The following MUC5B variants were observed in gnomAD, a reference collection of about 807,000 sequenced individuals.
The protein encoded by MUC5B is mucin 5B, oligomeric mucus/gel-forming.
Under a neutral mutation model 376.9 loss-of-function variants are expected in MUC5B, and 116 were observed. The observed-to-expected ratio is 0.31, with a 90% CI of 0.26 to 0.36. The LOEUF (loss-of-function observed/expected upper bound fraction) is 0.36, where lower values mean the gene tolerates loss of function less well. Among genes scored for constraint, MUC5B ranks in the 10% least tolerant of loss-of-function variants. The pLI, the probability that MUC5B is intolerant of heterozygous loss-of-function variation, is 1.00. For synonymous variants in MUC5B, 3,517 were observed against 3,390.9 expected, an observed-to-expected ratio of 1.04 and a Z score of -1.29; for missense variants, 7,165 against 7,769.9, an observed-to-expected ratio of 0.92 and a Z score of 2.93.
rs561369875 is a variant in MUC5B at position 1,227,054 on chromosome 11, C to A, written c.485C>A (p.Thr162Asn). Residue 162 changes from threonine (T) to asparagine (N), a missense_variant, in exon 5 of 49, where the codon ACT becomes AAT. Thr to Asn is a moderately conservative substitution (Grantham distance 65). Around this residue, in one of 31 missense-constraint regions of MUC5B, gnomAD observed 640 missense variants for 733.0 expected, o/e 0.87. Transcript: ENST00000529681. ...GQREELPYSR[T>N]GLLVEQSGDY... ...AGGGAGGAGCTGCCTTACAGCCGCA[C>A]TGGCCTCCTGGTGGAGCAGAGCGGG... The A allele has an allele frequency of 4.7e-5, 75 of 1,611,732 alleles. No homozygotes were observed. The Admixed American group carries it at 1.3e-3, about 27-fold the overall frequency.
At position 1,259,943 on chromosome 11, in the gene MUC5B, C is replaced by T. The variant is rs1275669722; in HGVS notation, c.16801-20C>T. On this transcript the variant is annotated intron_variant, in intron 45 of 48. Coordinates refer to ENST00000529681, the MANE Select transcript of MUC5B (RefSeq NM_002458.3). ...AGAGGTAATCCCTACTCAGCTTCCA[C>T]ACTCACCCTTGCATTTCAGCTGAAT... The T allele has an allele frequency of 6.2e-7, 1 of 1,612,822 alleles. No individual in the cohort carries two copies. The highest frequency in any genetic ancestry group is 1.1e-5 in the South Asian group (1 of 91,082).
At position 1,227,121 on chromosome 11, in the gene MUC5B, G is replaced by A. The variant is rs777028286; in HGVS notation, c.552G>A (p.Leu184=). 1.2e-6 allele frequency: 2 copies of A among 1,612,386 alleles called. No individual in the cohort carries two copies. Among genetic ancestry groups the A allele is most frequent in the Non-Finnish European group, 1.7e-6 (2 of 1,179,634 alleles). Residue 184 remains leucine (L), a synonymous_variant, in exon 5 of 49, where the codon CTG becomes CTA. Transcript: ENST00000529681. ...KVSIRLVLTF[L]WNGEDSALLE... ...GCATCCGGCTGGTGCTGACATTCCT[G>A]TGGAACGGAGAGGACAGTGCCCTGG...
In MUC5B at chr11:1,253,464, T is replaced by G. The variant is rs1318629335; in HGVS notation, c.15217+484T>G. Reference sequence around the variant, plus strand: ...GTCCTAACAGCGGCTTCCATCACCGTGCGGGACCCACCGCTAAGAGGTCAC... The same window carrying G: ...GTCCTAACAGCGGCTTCCATCACCGGGCGGGACCCACCGCTAAGAGGTCAC... On this transcript the variant is annotated intron_variant, in intron 33 of 48. Transcript: ENST00000529681. The surrounding 1 kb of genome is among the most constrained non-coding windows in gnomAD (Gnocchi z 4.3). Among the ~76,000 whole-genome samples the G allele has an allele frequency of 6.6e-6, 1 of 152,064 alleles. No homozygotes were observed. The highest frequency in any genetic ancestry group is 2.4e-5 in the African/African-American group (1 of 41,388).
At position 1,260,721 on chromosome 11, in the gene MUC5B, G is replaced by T. The variant is rs1296100806; in HGVS notation, c.17062G>T (p.Ala5688Ser). The change falls in exon 48 of 49, where the codon GCG becomes TCG. Residue 5688 changes from alanine (A) to serine (S), a missense_variant. Coordinates refer to ENST00000529681, the MANE Select transcript of MUC5B (RefSeq NM_002458.3). ...CTTCTGCGAGGGCTCCTGCCCCGGA[G>T]CGTCCAAGTGAGTGGGCTCCTGGCC... Reference protein sequence around the residue: ...ITFCEGSCPGASKYSAEAQAM... With the variant: ...ITFCEGSCPGSSKYSAEAQAM... 1.2e-6 allele frequency: 2 copies of T among 1,609,120 alleles called. No homozygotes were observed. Among genetic ancestry groups the T allele is most frequent in the South Asian group, 1.1e-5 (1 of 90,374 alleles).
In MUC5B at chr11:1,246,343, T is replaced by C. The variant is rs1311377278; in HGVS notation, c.9463T>C (p.Ser3155Pro). The C allele has an allele frequency of 6.2e-7, 1 of 1,603,324 alleles. No homozygotes were observed. The highest frequency in any genetic ancestry group is 1.1e-5 in the South Asian group (1 of 90,232). The change falls in exon 31 of 49, where the codon TCC (serine) becomes CCC (proline). Residue 3155 changes from serine (S) to proline (P), a missense_variant. Physicochemically the swap from Ser to Pro is moderately conservative, Grantham distance 74. This residue lies in a region of MUC5B where 939 missense variants were observed against 770.6 expected (regional missense o/e 1.22). Transcript: ENST00000529681. The stretch of plus-strand genomic sequence containing the variant: ...AGCCACTGGCCCCACGGCCACCCCG[T>C]CCTCCACCCCAGGGACCACCTGGAT... ...TAATGPTATP[S>P]STPGTTWILT...
chr11:1,243,388 G>A lies in MUC5B; in HGVS notation c.6508G>A (p.Ala2170Thr), dbSNP rs747055699. 6.5e-7 allele frequency: 1 copy of A among 1,533,740 alleles called. No individual in the cohort carries two copies. Among genetic ancestry groups the A allele is most frequent in the East Asian group, 2.5e-5 (1 of 40,640 alleles). The change falls in exon 31 of 49, where the codon GCA (alanine) becomes ACA (threonine). Residue 2170 changes from alanine (A) to threonine (T), a missense_variant. Transcript: ENST00000529681. ...GCTGACCACCACCGCCACCACACCT[G>A]CAGCCACCAGCAACACAGTGACTCC... ...PVLTTTATTP[A>T]ATSNTVTPSS... is the part of the protein sequence containing the mutation.
At position 1,249,552 on chromosome 11, in the gene MUC5B, C is replaced by T; in HGVS notation, c.12672C>T (p.Asn4224=). Residue 4224 remains asparagine, a synonymous_variant, in exon 31 of 49, where the codon AAC becomes AAT. Transcript: ENST00000529681. ...FNYEIRVFCC[N]YGHCPSTPAT... Reference sequence around the variant, plus strand: ...ATGAAATCCGTGTGTTCTGCTGCAACTACGGCCACTGCCCCAGCACCCCGG... The same window carrying T: ...ATGAAATCCGTGTGTTCTGCTGCAATTACGGCCACTGCCCCAGCACCCCGG... 1 of 1,612,824 alleles carries T rather than the reference C, an allele frequency of 6.2e-7. No homozygotes were observed. The highest frequency in any genetic ancestry group is 1.1e-5 in the South Asian group (1 of 91,060).
Position 1,261,444 on chromosome 11 carries a change from C to T in MUC5B, c.17125C>T (p.Arg5709Trp), listed in dbSNP as rs779854108. 1.4e-5 allele frequency: 21 copies of T among 1,547,168 alleles called. No individual in the cohort carries two copies. Among genetic ancestry groups the T allele is most frequent in the South Asian group, 1.2e-4 (10 of 84,086 alleles). Residue 5709 changes from arginine to tryptophan, a missense_variant, in exon 49 of 49, where the codon CGG becomes TGG. Transcript: ENST00000529681. ...CCAGTGCACCTGCTGCCAGGAGAGGCGGGTCCACGAGGAGACGGTGCCCTT... is the reference window on the plus strand; with the variant it reads ...CCAGTGCACCTGCTGCCAGGAGAGGTGGGTCCACGAGGAGACGGTGCCCTT... Reference protein sequence around the residue: ...QHQCTCCQERRVHEETVPLHC... With the variant: ...QHQCTCCQERWVHEETVPLHC...
intron 31 of MUC5B, among the ~76,000 whole-genome samples, 190 bp downstream of exon 31, chr11:1,251,933 C>T (rs991631062): frequency 4.0e-4 from 61 of 152,104 alleles, no homozygotes; most frequent in African/African-American, 1.3e-3. Context: ...ACAATCCGTC[C>T]GCACTGGCCA....
At chr11:1,232,916 C>A in intron 17 of MUC5B, 97 bp from the exon 18 acceptor site, 3 of 1,464,274 alleles carry the variant, frequency 2.0e-6, no homozygotes, top group African/African-American at 1.4e-5. Flanking sequence ...CATGCCCTTG[C>A]GATCCCCACG....
In MUC5B at chr11:1,250,755, C is replaced by G. The variant is rs745805297; in HGVS notation, c.13875C>G (p.Pro4625=). ...PPVWISTTTT[P]TTTTPTTSGS... ...TGTGGATCAGCACAACCACCACACC[C>G]ACAACCACCACACCCACAACCAGTG... The change falls in exon 31 of 49, where the codon CCC becomes CCG. Residue 4625 remains proline, a synonymous_variant. Transcript: ENST00000529681. The G allele has an allele frequency of 3.7e-6, 6 of 1,610,762 alleles. No individual in the cohort carries two copies. In the East Asian group the frequency reaches 1.1e-4, roughly 30 times the overall value.
rs1454439601 is a variant in MUC5B, at chr11:1,240,496, C to T, written c.3970+121C>T. 9.2e-6 allele frequency: 9 copies of T among 973,916 alleles called. No homozygotes were observed. The African/African-American group carries it at 1.5e-4, about 16-fold the overall frequency. The allele number at this position is 973,916 out of a possible 1,614,324, so 60.3% of individuals were successfully genotyped here. On this transcript the variant is annotated intron_variant, in intron 30 of 48. Coordinates refer to ENST00000529681, the MANE Select transcript of MUC5B (RefSeq NM_002458.3). ...AGTCCCAATCCACTGACCTTCCGGG[C>T]TCTGTCTAGGGGTGCACGGCCCCTC... is the stretch of plus-strand genomic sequence containing the variant.
chr11:1,260,001 C>T lies in MUC5B; in HGVS notation c.16839C>T (p.Cys5613=). Reference sequence around the variant, plus strand: ...GGGTCAACAGCCATGTGGACAACTGCACCGTGTACCTCTGTGAGGCTGAGG... The same window carrying T: ...GGGTCAACAGCCATGTGGACAACTGTACCGTGTACCTCTGTGAGGCTGAGG... ...ETWVNSHVDN[C]TVYLCEAEGG... Residue 5613 remains cysteine, a synonymous_variant, in exon 46 of 49, where the codon TGC becomes TGT. Transcript: ENST00000529681. 6.2e-7 allele frequency: 1 copy of T among 1,612,996 alleles called. No individual in the cohort carries two copies. The highest frequency in any genetic ancestry group is 8.5e-7 in the Non-Finnish European group (1 of 1,179,786).
chr11:1,241,218 C>A lies in MUC5B; in HGVS notation c.4338C>A (p.Leu1446=). ...CAGGCACCAGCCCTCAGCCCTCCCT[C>A]AGTGCCAGCACGGAGCCTGCTGTGC... is the stretch of plus-strand genomic sequence containing the variant. The part of the protein sequence containing the change: ...PAPGTSPQPS[L]SASTEPAVPT... The change falls in exon 31 of 49, where the codon CTC becomes CTA. Residue 1446 remains leucine (L), a synonymous_variant. Coordinates refer to ENST00000529681, the MANE Select transcript of MUC5B (RefSeq NM_002458.3). 2 of 1,592,824 alleles carry A rather than the reference C, an allele frequency of 1.3e-6. No individual in the cohort carries two copies. The highest frequency in any genetic ancestry group is 2.3e-5 in the East Asian group (1 of 43,308).
At position 1,233,088 on chromosome 11, in the gene MUC5B, G is replaced by C; in HGVS notation, c.2141G>C (p.Gly714Ala). The change falls in exon 18 of 49, where the codon GGC becomes GCC. Residue 714 changes from glycine to alanine, a missense_variant. By Grantham distance (60) the Gly-to-Ala change is moderately conservative. This residue lies in a region of MUC5B where 530 missense variants were observed against 604.0 expected (regional missense o/e 0.88). Coordinates refer to ENST00000529681, the MANE Select transcript of MUC5B (RefSeq NM_002458.3). ...GATGCCTGCCAGCCCACTTGCCGCGGCCTGAGTGAGGCCGACGTCACCTGC... is the reference window on the plus strand; with the variant it reads ...GATGCCTGCCAGCCCACTTGCCGCGCCCTGAGTGAGGCCGACGTCACCTGC... ...VVDACQPTCR[G>A]LSEADVTCSV... The C allele has an allele frequency of 6.2e-7, 1 of 1,607,532 alleles. No individual in the cohort carries two copies. Among genetic ancestry groups the C allele is most frequent in the Non-Finnish European group, 8.5e-7 (1 of 1,179,282 alleles).
rs756968127 is a variant in MUC5B at position 1,247,249 on chromosome 11, C to T, written c.10369C>T (p.Arg3457Trp). 5.3e-5 allele frequency: 86 copies of T among 1,612,320 alleles called. No individual in the cohort carries two copies. Among genetic ancestry groups the T allele is most frequent in the East Asian group, 1.8e-4 (8 of 44,894 alleles). The change falls in exon 31 of 49, where the codon CGG becomes TGG. Residue 3457 changes from arginine (R) to tryptophan (W), a missense_variant. Around this residue, in one of 31 missense-constraint regions of MUC5B, gnomAD observed 939 missense variants for 770.6 expected, o/e 1.22. Coordinates refer to ENST00000529681, the MANE Select transcript of MUC5B (RefSeq NM_002458.3). ...VPNTTATTHG[R>W]SLPPSSPHTV... ...GAACACCACGGCCACCACACACGGG[C>T]GGTCCCTGCCCCCCAGCAGTCCCCA...
chr11:1,230,131 C>A lies in MUC5B; in HGVS notation c.1347C>A (p.Tyr449Ter). ...ACGACCTGCATGGTGACTGCAGCTA[C>A]GTTCTGTCCAAGGTCTGGGCTTGGG... is the stretch of plus-strand genomic sequence containing the variant. ...KLYDLHGDCS[Y>*]VLSKKCADSS... The change falls in exon 11 of 49, where the codon TAC becomes TAA. Residue 449 changes from tyrosine to a stop codon, truncating the protein, a stop_gained. Transcript: ENST00000529681. LOFTEE classifies it high-confidence loss of function. The A allele has an allele frequency of 6.2e-7, 1 of 1,607,052 alleles. No homozygotes were observed.
chr11:1,243,741 A>G lies in MUC5B; in HGVS notation c.6861A>G (p.Thr2287=). Residue 2287 remains threonine, a synonymous_variant, in exon 31 of 49, where the codon ACA becomes ACG. Transcript: ENST00000529681. ...CCTCCAGGACCACAGCCACGGCCAC[A>G]CCCAGCAAGACCCGCACCTCGACCC... The part of the protein sequence containing the change: ...TATSRTTATA[T]PSKTRTSTLL... The G allele has an allele frequency of 1.2e-6, 2 of 1,611,102 alleles. No individual in the cohort carries two copies. Among genetic ancestry groups the G allele is most frequent in the Non-Finnish European group, 1.7e-6 (2 of 1,179,530 alleles).
At chr11:1,260,949 T>C (rs1184951479) in intron 48 of MUC5B, among the ~76,000 whole-genome samples, 1 of 152,168 alleles carries the variant, frequency 6.6e-6, no homozygotes, top group Admixed American at 6.5e-5. Context: ...CCGAGCCACA[T>C]GGCACAGAGC....
Sources: allele counts gnomAD v4.1 joint callset (sites outside exome capture counted in the v4.1 genomes callset), GRCh38; gene constraint gnomAD v4.1.1; regional missense constraint gnomAD v4.1.1; non-coding constraint Gnocchi (gnomAD v3.1); transcripts MANE v1.5; gene names NCBI Gene and HGNC (gene_info 2026-07-23, HGNC 2026-07-21).